Variants in ABLIM3 observed in about 807,000 individuals in gnomAD.
The protein encoded by ABLIM3 is actin-binding LIM protein 3.
In ABLIM3, 61 loss-of-function variants were observed where a neutral mutation model predicts 109.5. The ratio of observed to expected loss-of-function variants is 0.56; its 90% CI spans 0.45 to 0.69. The LOEUF is 0.69. Ranked by LOEUF, ABLIM3 falls within the 30% of genes least tolerant of loss-of-function variation. The pLI is 0.00. For missense variants in ABLIM3, 796 were observed against 889.5 expected (o/e 0.89, Z 1.34); for synonymous variants, 300 against 324.8 (o/e 0.92, Z 0.82).
intron 3 of ABLIM3, among the ~76,000 whole-genome samples, chr5:149,193,983 CAA>C (rs1177209832): frequency 6.6e-6 from 1 of 151,984 alleles, no homozygotes; most frequent in African/African-American, 2.4e-5. Context: ...TTTTAGAAGA[CAA>C]TATAGGAGAT....
intron 14 of ABLIM3, among the ~76,000 whole-genome samples, chr5:149,242,240 T>G (rs1752926114): frequency 6.6e-6 from 1 of 152,060 alleles, no homozygotes; most frequent in South Asian, 2.1e-4. Context: ...AAGCCCCAGG[T>G]CTCTTCCTCG....
chr5:149,259,119 C>G lies in ABLIM3; in HGVS notation c.*715C>G, dbSNP rs535438931. On this transcript the variant is annotated 3_prime_UTR_variant, in exon 24 of 24. Transcript: ENST00000309868. ...CCTTCCCTCCACCACTTCCAACTGG[C>G]CCCTTTGCCTGACCTGGACTTGGAG... The G allele has an allele frequency of 3.7e-4, 371 of 1,015,774 alleles. 3 individuals are homozygous for G. In the African/African-American group the frequency reaches 6.2e-3, roughly 17 times the overall value. 62.9% of individuals were successfully genotyped at this position (1,015,774 alleles called of 1,614,324 possible).
At chr5:149,240,416 A>G in intron 13 of ABLIM3, 1 of 534,580 alleles carries the variant, frequency 1.9e-6, no homozygotes, top group Non-Finnish European at 3.4e-6. Flanking sequence ...GCCTTCCTGG[A>G]GCTCAGTAGA....
intron 9 of ABLIM3, among the ~76,000 whole-genome samples, chr5:149,232,409 G>A (rs763979651): frequency 3.9e-5 from 6 of 152,138 alleles, no homozygotes; most frequent in Admixed American, 1.3e-4. Context: ...GGATTGAAAC[G>A]TTAGATTTTA....
rs2127549215 is a variant in ABLIM3 at position 149,233,161 on chromosome 5, CT to C, written c.817-67del. 6 of 1,402,224 alleles carry C rather than the reference CT, an allele frequency of 4.3e-6. No homozygotes were observed. The East Asian group carries it at 9.1e-5, about 21-fold the overall frequency. The allele number at this position is 1,402,224 out of a possible 1,614,324, so 86.9% of individuals were successfully genotyped here. A position where few individuals can be genotyped will look rare whatever the true frequency, so the allele number is the denominator to read the frequency against. ...TTGCTAATGTTGCATTCTTAACCCCCTGTCTCACCCTCCCCACCAAGCTCAG... is the reference window on the plus strand; with the variant it reads ...TTGCTAATGTTGCATTCTTAACCCCCGTCTCACCCTCCCCACCAAGCTCAG... On this transcript the variant is annotated intron_variant, in intron 9 of 23. Transcript: ENST00000309868.
At chr5:149,196,158 A>C (rs1467208217) in intron 3 of ABLIM3, among the ~76,000 whole-genome samples, 1 of 152,112 alleles carries the variant, frequency 6.6e-6, no homozygotes, top group Non-Finnish European at 1.5e-5. Flanking sequence ...CCCTCCCCTC[A>C]TGCAGTGACT....
At chr5:149,249,559 C>T (rs1283885191) in intron 18 of ABLIM3, among the ~76,000 whole-genome samples, 1 of 152,158 alleles carries the variant, frequency 6.6e-6, no homozygotes, top group Non-Finnish European at 1.5e-5. Flanking sequence ...CCTTGTTCAA[C>T]CACATCTGTG....
intron 6 of ABLIM3, among the ~76,000 whole-genome samples, chr5:149,208,489 C>G (rs906006817): frequency 6.6e-6 from 1 of 152,060 alleles, no homozygotes; most frequent in African/African-American, 2.4e-5. Flanking sequence ...AGTTCTCAAT[C>G]TGGCCCTCCC....
At chr5:149,217,117 T>C in intron 8 of ABLIM3, 71 bp downstream of exon 8, 1 of 1,406,158 alleles carries the variant, frequency 7.1e-7, no homozygotes, top group East Asian at 2.4e-5. Flanking sequence ...GATCTTCAGG[T>C]TCAGTGTTAT....
chr5:149,144,790 A>G (rs950336965), intron 2 of ABLIM3, among the ~76,000 whole-genome samples: 2 of 152,208 alleles, frequency 1.3e-5, no homozygotes, highest in African/African-American at 4.8e-5. Context: ...CACTGAGTAC[A>G]ACTCCTAATC....
At chr5:149,247,577 C>T in intron 17 of ABLIM3, 2 of 749,996 alleles carry the variant, frequency 2.7e-6, no homozygotes, top group East Asian at 2.7e-5. Flanking sequence ...ACCAGACCCC[C>T]ACCCAGACCA....
At chr5:149,223,647 C>T (rs1169436951) in intron 8 of ABLIM3, among the ~76,000 whole-genome samples, 1 of 152,172 alleles carries the variant, frequency 6.6e-6, no homozygotes, top group Non-Finnish European at 1.5e-5. Context: ...TGGCTGTCTC[C>T]ATGCAGTAGG....
chr5:149,151,830 G>T (rs1753461563), intron 2 of ABLIM3, among the ~76,000 whole-genome samples: 1 of 152,198 alleles, frequency 6.6e-6, no homozygotes, highest in South Asian at 2.1e-4. Context: ...CCAACACAGG[G>T]AATAAGAATT....
chr5:149,141,781 C>T, intron 1 of ABLIM3, 127 bp downstream of exon 1: 1 of 430,854 alleles, frequency 2.3e-6, no homozygotes, highest in East Asian at 4.2e-5. Context: ...CCGGGGTGCG[C>T]GCGAGCAGGC....
At chr5:149,199,721 G>T (rs1758319342) in intron 4 of ABLIM3, among the ~76,000 whole-genome samples, 2 of 152,234 alleles carry the variant, frequency 1.3e-5, no homozygotes, top group African/African-American at 4.8e-5. Context: ...CCACTGCATG[G>T]GCGAGAACAG....
At position 149,259,222 on chromosome 5, in the gene ABLIM3, G is replaced by A; in HGVS notation, c.*818G>A. On this transcript the variant is annotated 3_prime_UTR_variant, in exon 24 of 24. Coordinates refer to ENST00000309868, the MANE Select transcript of ABLIM3 (RefSeq NM_014945.5). ...TAGAATCAGAGCTGCAGGATTTCTT[G>A]GGACCCTCCTCTCTCCCTCACTGCT... The A allele has an allele frequency of 5.1e-6, 6 of 1,168,764 alleles. No individual in the cohort carries two copies. Among genetic ancestry groups the A allele is most frequent in the Non-Finnish European group, 6.4e-6 (6 of 944,026 alleles). The allele number at this position is 1,168,764 out of a possible 1,614,324, so 72.4% of individuals were successfully genotyped here.
rs1192330941 is a variant in ABLIM3, at chr5:149,222,071, T to G, written c.757+5025T>G. ...CTCACTCTGCTAAAGAAAAGTATTA[T>G]AACAAATTATAGGTCTCACCAATAA... On this transcript the variant is annotated intron_variant, in intron 8 of 23. Coordinates refer to ENST00000309868, the MANE Select transcript of ABLIM3 (RefSeq NM_014945.5). 2.0e-5 allele frequency among the ~76,000 whole-genome samples: 3 copies of G among 151,658 alleles called. No individual in the cohort carries two copies. In the East Asian group the frequency reaches 5.8e-4, roughly 29 times the overall value.
chr5:149,157,264 C>G (rs1174589959), intron 2 of ABLIM3, among the ~76,000 whole-genome samples: 1 of 152,176 alleles, frequency 6.6e-6, no homozygotes, highest in Admixed American at 6.5e-5. Context: ...GATACTCAGA[C>G]CAGAGACTTT....
chr5:149,157,292 A>T (rs1325556957), intron 2 of ABLIM3, among the ~76,000 whole-genome samples: 15 of 152,208 alleles, frequency 9.9e-5, no homozygotes, highest in Non-Finnish European at 4.4e-5. Flanking sequence ...GGGAAGGAAC[A>T]TACAGGACAA....
Sources: allele counts gnomAD v4.1 joint callset (sites outside exome capture counted in the v4.1 genomes callset), GRCh38; gene constraint gnomAD v4.1.1; transcripts MANE v1.5; gene names NCBI Gene and HGNC (gene_info 2026-07-23, HGNC 2026-07-21).